The following LPAR6 variants were observed in gnomAD, a reference collection of about 807,000 sequenced individuals.
LPAR6 encodes G-protein coupled purinergic receptor P2Y5.
In LPAR6, 17 loss-of-function variants were observed where a neutral mutation model predicts 22.0. The observed-to-expected ratio is 0.77, with a 90% confidence interval of 0.53 to 1.16. The LOEUF (loss-of-function observed/expected upper bound fraction) is 1.16, where lower values mean the gene tolerates loss of function less well. Among genes scored for constraint, LPAR6 ranks in the 50% most tolerant of loss-of-function variants. The probability of loss-of-function intolerance (pLI) is 0.00; values close to 1 mark genes in which losing one functional copy is unlikely to be tolerated. For missense variants in LPAR6, 384 were observed against 406.9 expected (o/e 0.94, Z 0.48); for synonymous variants, 136 against 139.8 (o/e 0.97, Z 0.19).
At chr13:48,432,874 A>T (rs913526561) in intron 1 of LPAR6, among the ~76,000 whole-genome samples, 22 of 152,210 alleles carry the variant, frequency 1.4e-4, no homozygotes, top group Admixed American at 2.0e-4. Context: ...AAGATAGCAT[A>T]ACCCTACAAC....
intron 1 of LPAR6, among the ~76,000 whole-genome samples, chr13:48,440,129 G>C (rs528730496): frequency 6.6e-6 from 1 of 152,216 alleles, no homozygotes; most frequent in African/African-American, 2.4e-5. Context: ...AATCTTGGGA[G>C]TAAAAGGGAA....
upstream of LPAR6, among the ~76,000 whole-genome samples, chr13:48,413,916 T>C (rs1948862198): frequency 6.6e-6 from 1 of 152,214 alleles, no homozygotes; most frequent in African/African-American, 2.4e-5. Context: ...TTTAGGTTCA[T>C]AGTCTTATCT....
intron 1 of LPAR6, chr13:48,404,174 C>T (rs1291109513): frequency 6.6e-6 from 1 of 152,080 alleles, no homozygotes; most frequent in African/African-American, 2.4e-5. Flanking sequence ...ATTTTGTGTA[C>T]ACTTACAGAC....
chr13:48,422,134 TAGAC>T (rs764512371), intron 2 of LPAR6, among the ~76,000 whole-genome samples: 67 of 152,156 alleles, frequency 4.4e-4, no homozygotes, highest in Admixed American at 1.2e-3. Context: ...GCATCAATGA[TAGAC>T]AGGATAAAGA....
intron 2 of LPAR6, among the ~76,000 whole-genome samples, chr13:48,421,380 A>C (rs1949002854): frequency 6.6e-6 from 1 of 152,234 alleles, no homozygotes; most frequent in Non-Finnish European, 1.5e-5. Context: ...GATGGATTAA[A>C]GAGTTAAATG....
rs548131945 is a variant in LPAR6, at chr13:48,412,897, G to C, written c.-474C>G. Reference sequence around the variant, plus strand: ...TCAATCTTATTTTCTTTTCAGTGCAGAGTTTCAGAGACTTAAACATTCCCA... The same window carrying C: ...TCAATCTTATTTTCTTTTCAGTGCACAGTTTCAGAGACTTAAACATTCCCA... On this transcript the variant is annotated 5_prime_UTR_variant, in exon 1 of 1. Coordinates refer to ENST00000620633, the MANE Select transcript of LPAR6 (RefSeq NM_001162498.3). The C allele has an allele frequency of 5.7e-6, 1 of 175,982 alleles. No individual in the cohort carries two copies. Among genetic ancestry groups the C allele is most frequent in the South Asian group, 1.6e-4 (1 of 6,104 alleles). 10.9% of individuals were successfully genotyped at this position (175,982 alleles called of 1,614,324 possible). A position where few individuals can be genotyped will look rare whatever the true frequency, so the allele number is the denominator to read the frequency against.
At chr13:48,430,998 A>G (rs1949124361), upstream of LPAR6, among the ~76,000 whole-genome samples, 1 of 152,190 alleles carries the variant, frequency 6.6e-6, no homozygotes, top group African/African-American at 2.4e-5. Flanking sequence ...TTAAAAAAAG[A>G]TAGGTTTGAC....
chr13:48,404,571 G>C (rs1948722793), intron 1 of LPAR6, among the ~76,000 whole-genome samples: 1 of 152,032 alleles, frequency 6.6e-6, no homozygotes, highest in Non-Finnish European at 1.5e-5. Flanking sequence ...CTGTCGCCCA[G>C]GCTGGAGTGC....
upstream of LPAR6, among the ~76,000 whole-genome samples, chr13:48,414,520 G>C (rs1948875490): frequency 6.6e-6 from 1 of 151,974 alleles, no homozygotes; most frequent in African/African-American, 2.4e-5. Flanking sequence ...GAAAAGGCTA[G>C]ATCTAGTTAT....
At chr13:48,391,259 G>A (rs1006201826) in intron 1 of LPAR6, 9 of 151,978 alleles carry the variant, frequency 5.9e-5, no homozygotes, top group African/African-American at 2.2e-4. Flanking sequence ...CCAACCTTTG[G>A]GCTGTTGTTG....
upstream of LPAR6, among the ~76,000 whole-genome samples, chr13:48,430,424 G>GA (rs1168580153): frequency 3.9e-5 from 6 of 151,998 alleles, no homozygotes; most frequent in Admixed American, 3.3e-4. Flanking sequence ...ATAAGTTCTG[G>GA]AAAAAAATGA....
rs4151565 is a variant in LPAR6 at position 48,439,242 on chromosome 13, T to C, written c.-1474+5311A>G. On this transcript the variant is annotated intron_variant, in intron 1 of 6. Transcript: ENST00000378434. Reference sequence around the variant, plus strand: ...AATACACATATCTACTTTATGGACGTATTTTGAAGATTAAATGAGATAATA... The same window carrying C: ...AATACACATATCTACTTTATGGACGCATTTTGAAGATTAAATGAGATAATA... Among the ~76,000 whole-genome samples the C allele has an allele frequency of 4.0e-3, 606 of 152,310 alleles. 3 individuals carry two copies. Among genetic ancestry groups the C allele is most frequent in the Middle Eastern group, 0.02 (6 of 294 alleles).
At chr13:48,422,592 G>A (rs1949022922) in intron 2 of LPAR6, 1 of 152,034 alleles carries the variant, frequency 6.6e-6, no homozygotes, top group Non-Finnish European at 1.5e-5. Context: ...TTGAAATATA[G>A]TGTATCAGCT....
chr13:48,411,831 A>G lies in LPAR6; in HGVS notation c.593T>C (p.Ile198Thr). Residue 198 changes from isoleucine (I) to threonine (T), a missense_variant, in exon 1 of 1, where the codon ATT (isoleucine) becomes ACT (threonine). Ile to Thr is a moderately conservative substitution (Grantham distance 89). Transcript: ENST00000620633. ...IEIVGFFIPL[I>T]LNVTCSSMVL... The stretch of plus-strand genomic sequence containing the variant: ...CATACTAGAACAAGTTACATTTAAA[A>G]TTAGAGGAATAAAAAATCCCACTAT... 1 of 1,613,230 alleles carries G rather than the reference A, an allele frequency of 6.2e-7. No homozygotes were observed. Among genetic ancestry groups the G allele is most frequent in the Non-Finnish European group, 8.5e-7 (1 of 1,179,178 alleles).
chr13:48,400,443 T>G (rs1948681901), intron 1 of LPAR6, among the ~76,000 whole-genome samples: 1 of 152,142 alleles, frequency 6.6e-6, no homozygotes, highest in Non-Finnish European at 1.5e-5. Flanking sequence ...TTTTAGTGTA[T>G]ATTAGTTTAC....
intron 1 of LPAR6, among the ~76,000 whole-genome samples, chr13:48,395,932 A>G (rs1011238251): frequency 4.9e-4 from 75 of 152,208 alleles, no homozygotes; most frequent in African/African-American, 1.8e-3. Flanking sequence ...TATAATCGTC[A>G]GATTCACCAA....
chr13:48,396,292 A>G lies in LPAR6; in HGVS notation n.115-6480T>C, dbSNP rs114526262. Among the ~76,000 whole-genome samples the G allele has an allele frequency of 6.5e-3, 994 of 152,330 alleles. 14 individuals carry two copies. The highest frequency in any genetic ancestry group is 0.023 in the African/African-American group (947 of 41,578). On this transcript the variant is annotated intron_variant and non_coding_transcript_variant, in intron 1 of 1. Coordinates refer to the LPAR6 transcript ENST00000462781. ...CAAAACAGCATGGTACTGGTACCAAAAAAGATAAATAAACCAACGGAACAG... is the reference window on the plus strand; with the variant it reads ...CAAAACAGCATGGTACTGGTACCAAGAAAGATAAATAAACCAACGGAACAG...
chr13:48,398,516 ATT>A (rs574740963), intron 1 of LPAR6, among the ~76,000 whole-genome samples: 3 of 151,190 alleles, frequency 2.0e-5, no homozygotes, highest in African/African-American at 7.3e-5. Flanking sequence ...GAGTCCTGTA[ATT>A]TTTTTTTAAA....
intron 1 of LPAR6, among the ~76,000 whole-genome samples, chr13:48,437,942 T>C (rs563334635): frequency 6.6e-6 from 1 of 152,316 alleles, no homozygotes; most frequent in African/African-American, 2.4e-5. Context: ...AAACAAATCC[T>C]ATTATCAGTT....
Sources: allele counts gnomAD v4.1 joint callset (sites outside exome capture counted in the v4.1 genomes callset), GRCh38; gene constraint gnomAD v4.1.1; transcripts MANE v1.5; gene names NCBI Gene and HGNC (gene_info 2026-07-23, HGNC 2026-07-21).